Variants in MAD1L1 observed in about 807,000 individuals in gnomAD.
MAD1L1 encodes the protein mitotic spindle assembly checkpoint protein MAD1.
MAD1L1 carries 95 observed loss-of-function variants against 96.9 expected under a neutral mutation model. That is an observed-to-expected ratio of 0.98 (90% CI 0.83 to 1.16). The LOEUF is 1.16. Among genes scored for constraint, MAD1L1 ranks in the 50% most tolerant of loss-of-function variants. The probability of loss-of-function intolerance (pLI) is 0.00; values close to 1 mark genes in which losing one functional copy is unlikely to be tolerated. For synonymous variants in MAD1L1, 473 were observed against 396.6 expected (o/e 1.19, Z -2.29); for missense variants, 1,007 against 954.4 (o/e 1.06, Z -0.73).
At chr7:1,940,780 TTTGA>T (rs1778916363) in intron 16 of MAD1L1, among the ~76,000 whole-genome samples, 2 of 152,308 alleles carry the variant, frequency 1.3e-5, no homozygotes, top group Non-Finnish European at 2.9e-5. Context: ...ATATTCTTCT[TTTGA>T]TTTTCTTCAA....
chr7:2,069,072 C>A lies in MAD1L1; in HGVS notation c.1218+122G>T, dbSNP rs1314839117. The A allele has an allele frequency of 4.5e-6, 6 of 1,336,776 alleles. No individual in the cohort carries two copies. The Admixed American group carries it at 1.1e-4, about 25-fold the overall frequency. The allele number at this position is 1,336,776 out of a possible 1,614,324, so 82.8% of individuals were successfully genotyped here. On this transcript the variant is annotated intron_variant, in intron 12 of 18. Transcript: ENST00000265854. Reference sequence around the variant, plus strand: ...CCAGAACCCTCCTGGCAACCCAGGGCCAAAGTGCCAACCCTGACCCGGCTG... The same window carrying A: ...CCAGAACCCTCCTGGCAACCCAGGGACAAAGTGCCAACCCTGACCCGGCTG...
chr7:1,992,995 G>T (rs1182492294), intron 14 of MAD1L1, among the ~76,000 whole-genome samples: 1 of 152,132 alleles, frequency 6.6e-6, no homozygotes, highest in Non-Finnish European at 1.5e-5. Flanking sequence ...TTAGGATGAG[G>T]GTACTATATT....
chr7:1,875,121 C>A (rs12669758), intron 18 of MAD1L1, among the ~76,000 whole-genome samples: 1 of 151,956 alleles, frequency 6.6e-6, no homozygotes, highest in Non-Finnish European at 1.5e-5. Context: ...GCCCCAGAGA[C>A]GACTAACGAG....
chr7:2,010,901 G>C (rs910822455), intron 13 of MAD1L1, among the ~76,000 whole-genome samples: 5 of 152,324 alleles, frequency 3.3e-5, no homozygotes, highest in South Asian at 2.1e-4. Flanking sequence ...GAGTGTGAGT[G>C]GGGGACAGAG....
chr7:1,937,359 A>G (rs987443456), intron 16 of MAD1L1, among the ~76,000 whole-genome samples: 1 of 152,212 alleles, frequency 6.6e-6, no homozygotes, highest in African/African-American at 2.4e-5. Flanking sequence ...TCAACCACAC[A>G]GAGATGGAAG....
At chr7:2,063,604 T>G (rs1334978135) in intron 12 of MAD1L1, among the ~76,000 whole-genome samples, 1 of 152,230 alleles carries the variant, frequency 6.6e-6, no homozygotes, top group African/African-American at 2.4e-5. Context: ...GCATCAGGTG[T>G]GTCTCCACCG....
At chr7:1,931,624 G>A (rs555347009) in intron 17 of MAD1L1, among the ~76,000 whole-genome samples, 2 of 152,236 alleles carry the variant, frequency 1.3e-5, no homozygotes, top group African/African-American at 4.8e-5. Context: ...GAGAGACAGC[G>A]AGGCTTCAGC....
At chr7:1,831,025 A>T (rs1425757203) in intron 18 of MAD1L1, among the ~76,000 whole-genome samples, 1 of 152,292 alleles carries the variant, frequency 6.6e-6, no homozygotes, top group Non-Finnish European at 1.5e-5. Flanking sequence ...GACGCAGTAG[A>T]TTAAAAGTAA....
At chr7:2,033,606 G>GT (rs1331934514) in intron 12 of MAD1L1, among the ~76,000 whole-genome samples, 1 of 152,348 alleles carries the variant, frequency 6.6e-6, no homozygotes, top group African/African-American at 2.4e-5. Flanking sequence ...CAGAAGAAAC[G>GT]TAACTGACAA....
chr7:2,047,952 A>T (rs1000437785), intron 12 of MAD1L1, among the ~76,000 whole-genome samples: 4 of 152,246 alleles, frequency 2.6e-5, no homozygotes, highest in Non-Finnish European at 5.9e-5. Flanking sequence ...CTCACAAAGC[A>T]CACGTGCACA....
At chr7:1,977,864 C>T (rs1221198007) in intron 15 of MAD1L1, among the ~76,000 whole-genome samples, 1 of 152,246 alleles carries the variant, frequency 6.6e-6, no homozygotes, top group Non-Finnish European at 1.5e-5. Context: ...GACACGCTGA[C>T]CTTCCTGAAA....
At chr7:2,164,486 AGGGGC>A (rs1790323116) in intron 10 of MAD1L1, among the ~76,000 whole-genome samples, 1 of 149,474 alleles carries the variant, frequency 6.7e-6, no homozygotes, top group Non-Finnish European at 1.5e-5. Flanking sequence ...TCGCCCGAGC[AGGGGC>A]AGACGGCATG....
intron 11 of MAD1L1, 75 bp from the exon 12 acceptor site, chr7:2,069,413 G>A (rs1313976137): frequency 2.1e-6 from 3 of 1,398,682 alleles, no homozygotes; most frequent in Middle Eastern, 2.6e-4. Context: ...CCCACCCCAG[G>A]AACGAGCCCA....
intron 17 of MAD1L1, among the ~76,000 whole-genome samples, chr7:1,905,964 T>C (rs1787600924): frequency 6.8e-6 from 1 of 146,982 alleles, no homozygotes; most frequent in Non-Finnish European, 1.5e-5. Context: ...GCAGGAGAAT[T>C]GCTTGAGCCC....
chr7:2,040,195 C>T (rs1423501534), intron 12 of MAD1L1, among the ~76,000 whole-genome samples: 1 of 152,138 alleles, frequency 6.6e-6, no homozygotes, highest in Non-Finnish European at 1.5e-5. Flanking sequence ...CAAAAGCTAC[C>T]AAAACTGACT....
At chr7:1,879,753 C>T (rs1331099907) in intron 18 of MAD1L1, among the ~76,000 whole-genome samples, 7 of 152,112 alleles carry the variant, frequency 4.6e-5, no homozygotes, top group Admixed American at 6.5e-5. Flanking sequence ...TCTTTTGAGA[C>T]GGAGTCTCAC....
At chr7:1,829,237 G>A (rs1301404860) in intron 18 of MAD1L1, among the ~76,000 whole-genome samples, 6 of 152,322 alleles carry the variant, frequency 3.9e-5, no homozygotes, top group South Asian at 4.1e-4. Flanking sequence ...GCCCTTCAGC[G>A]TGACTTACAG....
At chr7:1,939,034 C>G (rs1198566769) in intron 16 of MAD1L1, among the ~76,000 whole-genome samples, 2 of 96,596 alleles carry the variant, frequency 2.1e-5, no homozygotes, top group Non-Finnish European at 3.8e-5. Flanking sequence ...TGGGCCAGGG[C>G]TGGGGCCAGA....
intron 18 of MAD1L1, among the ~76,000 whole-genome samples, chr7:1,817,296 G>C (rs1448380899): frequency 6.6e-6 from 1 of 152,134 alleles, no homozygotes; most frequent in East Asian, 1.9e-4. Context: ...TGGACGCAGA[G>C]TCCATGGGCC....
Sources: gnomAD v4.1 joint callset for allele counts (sites outside exome capture counted in the v4.1 genomes callset) on GRCh38, gnomAD v4.1.1 for gene constraint, MANE v1.5 for transcripts, NCBI Gene and HGNC (gene_info 2026-07-23, HGNC 2026-07-21) for gene names.